The following MYO1D variants were observed in gnomAD, a reference collection of about 807,000 sequenced individuals.
MYO1D encodes unconventional myosin-Id.
MYO1D carries 83 observed loss-of-function variants against 122.0 expected under a neutral mutation model. That is an observed-to-expected ratio of 0.68 (90% CI 0.57 to 0.82). The LOEUF (loss-of-function observed/expected upper bound fraction) is 0.82, where lower values mean the gene tolerates loss of function less well. Among genes scored for constraint, MYO1D ranks in the 40% least tolerant of loss-of-function variants. MYO1D has a pLI of 0.00. For missense variants in MYO1D, 1,157 were observed against 1,269.5 expected (o/e 0.91, Z 1.35); for synonymous variants, 464 against 446.9 (o/e 1.04, Z -0.48).
chr17:32,784,706 T>C (rs2090275283), intron 1 of MYO1D, among the ~76,000 whole-genome samples: 1 of 152,112 alleles, frequency 6.6e-6, no homozygotes, highest in Non-Finnish European at 1.5e-5. Context: ...GCCTTGTTAA[T>C]TTGCATGTGT....
At chr17:32,514,748 G>A (rs1160210065) in intron 21 of MYO1D, among the ~76,000 whole-genome samples, 1 of 152,238 alleles carries the variant, frequency 6.6e-6, no homozygotes, top group African/African-American at 2.4e-5. Context: ...TCTTTTAGAA[G>A]TTTAGTTATA....
intron 14 of MYO1D, among the ~76,000 whole-genome samples, chr17:32,730,422 CTCT>C (rs1219171194): frequency 4.6e-5 from 7 of 152,088 alleles, no homozygotes; most frequent in African/African-American, 1.7e-4. Context: ...CAATTCTTTG[CTCT>C]TCTTTTCTTT....
At chr17:32,581,842 C>T (rs1261044629) in intron 21 of MYO1D, among the ~76,000 whole-genome samples, 14 of 151,944 alleles carry the variant, frequency 9.2e-5, no homozygotes, top group South Asian at 2.1e-4. Context: ...CTCGGCTCAC[C>T]GCAACCTCTG....
intron 21 of MYO1D, chr17:32,529,611 T>C (rs1327773802): frequency 6.5e-6 from 1 of 152,782 alleles, no homozygotes; most frequent in East Asian, 1.9e-4. Context: ...GGGGTGCTGC[T>C]TTCAGGTGGG....
intron 20 of MYO1D, among the ~76,000 whole-genome samples, chr17:32,636,220 T>C (rs8078970): frequency 0.15 from 22,110 of 152,182 alleles, 1,870 homozygotes; most frequent in Middle Eastern, 0.24. Context: ...CAACTATCTA[T>C]GGAAAGTATA....
intron 20 of MYO1D, among the ~76,000 whole-genome samples, chr17:32,610,147 T>C (rs2087682073): frequency 1.3e-5 from 2 of 152,156 alleles, no homozygotes; most frequent in Non-Finnish European, 2.9e-5. Context: ...CAAAGAACGC[T>C]GAAACCACAG....
At chr17:32,793,569 C>A (rs1362582127) in intron 1 of MYO1D, among the ~76,000 whole-genome samples, 1 of 152,058 alleles carries the variant, frequency 6.6e-6, no homozygotes, top group Non-Finnish European at 1.5e-5. Flanking sequence ...TCTTGGTTTA[C>A]ACTTTCTTAA....
At chr17:32,673,031 T>A (rs1316739402) in intron 16 of MYO1D, among the ~76,000 whole-genome samples, 2 of 149,464 alleles carry the variant, frequency 1.3e-5, no homozygotes, top group African/African-American at 4.9e-5. Flanking sequence ...TATTGGTTAG[T>A]TAAGGCTTTC....
chr17:32,683,827 C>T (rs909704990), intron 16 of MYO1D, among the ~76,000 whole-genome samples: 24 of 152,262 alleles, frequency 1.6e-4, no homozygotes, highest in Middle Eastern at 6.8e-3. Context: ...TGGGCAATGG[C>T]GGGCGCCCCT....
At chr17:32,677,815 A>T in intron 16 of MYO1D, among the ~76,000 whole-genome samples, 1 of 152,100 alleles carries the variant, frequency 6.6e-6, no homozygotes, top group East Asian at 1.9e-4. Context: ...CTGCCTAAAC[A>T]GTTATTTCTG....
chr17:32,772,979 GA>G, intron 4 of MYO1D, 137 bp from the exon 5 acceptor site: 2 of 705,714 alleles, frequency 2.8e-6, no homozygotes, highest in Admixed American at 4.5e-5. Context: ...AGCAACTGAA[GA>G]ATCACATAAG....
chr17:32,579,916 T>C (rs1386587859), intron 21 of MYO1D, among the ~76,000 whole-genome samples: 1 of 152,216 alleles, frequency 6.6e-6, no homozygotes, highest in African/African-American at 2.4e-5. Context: ...TTATTCCCGG[T>C]TTTTGGCTAT....
At chr17:32,549,487 G>A (rs1214112230) in intron 21 of MYO1D, among the ~76,000 whole-genome samples, 2 of 152,200 alleles carry the variant, frequency 1.3e-5, no homozygotes, top group Admixed American at 6.5e-5. Context: ...GAGGTCATAG[G>A]AGGGGCATAG....
chr17:32,828,109 G>A (rs560528577), intron 1 of MYO1D, among the ~76,000 whole-genome samples: 1 of 152,326 alleles, frequency 6.6e-6, no homozygotes, highest in South Asian at 2.1e-4. Context: ...AGAAGCTGAC[G>A]TGGAAGCCAG....
At chr17:32,587,226 G>A (rs2087395784) in intron 21 of MYO1D, among the ~76,000 whole-genome samples, 1 of 152,118 alleles carries the variant, frequency 6.6e-6, no homozygotes, top group Non-Finnish European at 1.5e-5. Flanking sequence ...AAAGTAACTC[G>A]CCAGGCCAGG....
At chr17:32,524,042 A>T (rs551348815) in intron 21 of MYO1D, among the ~76,000 whole-genome samples, 16 of 152,226 alleles carry the variant, frequency 1.1e-4, no homozygotes, top group Admixed American at 3.3e-4. Context: ...GTGCGTAATC[A>T]GCATGTGCTG....
intron 20 of MYO1D, among the ~76,000 whole-genome samples, chr17:32,634,313 G>A (rs1431580270): frequency 6.6e-6 from 1 of 152,130 alleles, no homozygotes; most frequent in African/African-American, 2.4e-5. Flanking sequence ...CTCAAGAGGG[G>A]GTGTGCAATT....
chr17:32,604,955 A>G (rs2087608148), intron 21 of MYO1D, 132 bp downstream of exon 21: 1 of 839,844 alleles, frequency 1.2e-6, no homozygotes, highest in Non-Finnish European at 1.7e-6. Context: ...TGCGAAACAG[A>G]TGATTTAAGT....
intron 20 of MYO1D, among the ~76,000 whole-genome samples, chr17:32,611,696 G>T (rs1291557674): frequency 2.0e-5 from 3 of 152,160 alleles, no homozygotes; most frequent in Non-Finnish European, 1.5e-5. Context: ...AAAATTAGCT[G>T]GTTGTGGTGG....
Sources: gnomAD v4.1 joint callset for allele counts (sites outside exome capture counted in the v4.1 genomes callset) on GRCh38, gnomAD v4.1.1 for gene constraint, MANE v1.5 for transcripts, NCBI Gene and HGNC (gene_info 2026-07-23, HGNC 2026-07-21) for gene names.